SETD1A: variants seen among roughly 807,000 people sequenced by gnomAD.
The protein encoded by SETD1A is histone-lysine N-methyltransferase SETD1A.
In SETD1A, 29 loss-of-function variants were observed where a neutral mutation model predicts 149.9. The observed-to-expected ratio is 0.19, with a 90% CI of 0.14 to 0.26. The LOEUF (loss-of-function observed/expected upper bound fraction) is 0.26, where lower values mean the gene tolerates loss of function less well. Among genes scored for constraint, SETD1A ranks in the 10% least tolerant of loss-of-function variants. SETD1A has a pLI of 1.00. For missense variants in SETD1A, 2,109 were observed against 2,353.1 expected (o/e 0.90, Z 2.15); for synonymous variants, 1,141 against 968.5 (o/e 1.18, Z -3.31).
At chr16:30,969,165 CT>C (rs2056192369) in intron 10 of SETD1A, 139 bp from the exon 11 acceptor site, 1 of 856,698 alleles carries the variant, frequency 1.2e-6, no homozygotes, top group African/African-American at 1.7e-5. Context: ...GTTTGAGTTC[CT>C]CTGGTGAGCT....
intron 13 of SETD1A, among the ~76,000 whole-genome samples, chr16:30,974,313 G>T (rs764393239): frequency 3.3e-5 from 5 of 152,160 alleles, no homozygotes; most frequent in Non-Finnish European, 5.9e-5. Context: ...GGTCTGGAAA[G>T]AACGGTAGGC....
At chr16:30,971,895 A>G (rs886649006) in intron 13 of SETD1A, among the ~76,000 whole-genome samples, 176 bp downstream of exon 13, 1 of 152,232 alleles carries the variant, frequency 6.6e-6, no homozygotes. Flanking sequence ...ACACACTTCA[A>G]ACTGTACCGT....
chr16:30,972,095 TTAACA>T (rs2056232769), intron 13 of SETD1A, among the ~76,000 whole-genome samples: 1 of 152,234 alleles, frequency 6.6e-6, no homozygotes, highest in Non-Finnish European at 1.5e-5. Context: ...AAAACAAGTA[TTAACA>T]TAACACAGAA....
chr16:30,964,161 C>T lies in SETD1A; in HGVS notation c.707C>T (p.Thr236Ile), dbSNP rs758367285. Residue 236 changes from threonine (T) to isoleucine (I), a missense_variant, in exon 6 of 19, where the codon ACT becomes ATT. By Grantham distance (89) the Thr-to-Ile change is moderately conservative. Transcript: ENST00000262519. ...CCAGCAGGCACCACTGCGGTGGGCA[C>T]TCCTGGCAACGGCACCCCCTGCTCC... is the stretch of plus-strand genomic sequence containing the variant. ...AYPAGTTAVG[T>I]PGNGTPCSQD... The T allele has an allele frequency of 7.4e-6, 12 of 1,614,142 alleles. No homozygotes were observed. Among genetic ancestry groups the T allele is most frequent in the South Asian group, 5.5e-5 (5 of 91,076 alleles).
intron 2 of SETD1A, 44 bp from the exon 3 acceptor site, chr16:30,959,047 G>T (rs770570360): frequency 3.3e-6 from 5 of 1,515,652 alleles, no homozygotes; most frequent in Non-Finnish European, 4.6e-6. Context: ...TCCCTAGCCT[G>T]GATTCACCCT....
At chr16:30,982,178 G>A (rs985803607) in intron 17 of SETD1A, among the ~76,000 whole-genome samples, 6 of 152,166 alleles carry the variant, frequency 3.9e-5, no homozygotes, top group African/African-American at 1.4e-4. Context: ...CGTCTTGTGA[G>A]AGTGTGGAGG....
chr16:30,964,407 A>G, intron 6 of SETD1A, 84 bp downstream of exon 6: 2 of 1,361,522 alleles, frequency 1.5e-6, no homozygotes, highest in Non-Finnish European at 2.0e-6. Flanking sequence ...TCTGTCTCCA[A>G]GAGGGAGTTG....
intron 12 of SETD1A, 67 bp from the exon 13 acceptor site, chr16:30,971,311 T>A: frequency 6.8e-7 from 1 of 1,480,370 alleles, no homozygotes; most frequent in South Asian, 1.3e-5. Flanking sequence ...AGGGAGTGAG[T>A]GAGGAGCCCA....
At position 30,971,394 on chromosome 16, in the gene SETD1A, C is replaced by T. The variant is rs779225096; in HGVS notation, c.3033C>T (p.Ser1011=). 6.9e-6 allele frequency: 11 copies of T among 1,583,916 alleles called. No homozygotes were observed. Among genetic ancestry groups the T allele is most frequent in the Admixed American group, 3.4e-5 (2 of 58,386 alleles). Residue 1011 remains serine (S), a synonymous_variant, in exon 13 of 19, where the codon AGC becomes AGT. Transcript: ENST00000262519. ...GATTTCCAGGCGAGGACGAGGAAAG[C>T]GATTCGTCTTCCAAATGTTCTCTGT... ...TEVSDGEDEE[S]DSSSKCSLYA...
In SETD1A at chr16:30,965,155, A is replaced by G. The variant is rs1347456235; in HGVS notation, c.1413A>G (p.Pro471=). ...CCTCCCCTGCCCGCTCTGGCTCCCC[A>G]GCCCCGGAGACCACCAATGAGAGTG... The part of the protein sequence containing the change: ...RPASPARSGS[P]APETTNESVP... Residue 471 remains proline, a synonymous_variant, in exon 7 of 19, where the codon CCA becomes CCG. Coordinates refer to ENST00000262519, the MANE Select transcript of SETD1A (RefSeq NM_014712.3). 1 of 1,613,240 alleles carries G rather than the reference A, an allele frequency of 6.2e-7. No homozygotes were observed. Among genetic ancestry groups the G allele is most frequent in the African/African-American group, 1.3e-5 (1 of 74,904 alleles).
chr16:30,968,988 G>A (rs889917583), intron 10 of SETD1A, among the ~76,000 whole-genome samples: 1 of 151,714 alleles, frequency 6.6e-6, no homozygotes, highest in African/African-American at 2.4e-5. Context: ...CCCCTGTATA[G>A]TCCCAGTTAC....
At chr16:30,982,975 A>G (rs550386332) in intron 17 of SETD1A, among the ~76,000 whole-genome samples, 8 of 152,290 alleles carry the variant, frequency 5.3e-5, no homozygotes, top group South Asian at 2.1e-4. Flanking sequence ...TGGGGTTGCA[A>G]TGCCCCAGGG....
Position 30,965,606 on chromosome 16 carries a change from T to A in SETD1A, c.1725T>A (p.Ser575=). 1 of 1,610,360 alleles carries A rather than the reference T, an allele frequency of 6.2e-7. No individual in the cohort carries two copies. The highest frequency in any genetic ancestry group is 1.1e-5 in the South Asian group (1 of 90,850). Residue 575 remains serine, a synonymous_variant, in exon 8 of 19, where the codon TCT becomes TCA. Coordinates refer to ENST00000262519, the MANE Select transcript of SETD1A (RefSeq NM_014712.3). ...ACCCTCTTCTGCCCCCGCAGGCTTC[T>A]CCATGCTCTTCTGGAGACGACATGG... ...SPKANGQNQA[S]PCSSGDDMEI...
At chr16:30,966,468 A>G in intron 8 of SETD1A, 82 bp downstream of exon 8, 2 of 1,485,396 alleles carry the variant, frequency 1.3e-6, no homozygotes, top group Non-Finnish European at 1.8e-6. Flanking sequence ...TGCACAGCTC[A>G]GAGGAGACAG....
chr16:30,967,691 A>G, intron 10 of SETD1A, 103 bp downstream of exon 10: 3 of 887,912 alleles, frequency 3.4e-6, no homozygotes, highest in Non-Finnish European at 5.5e-6. Context: ...GGGCACAGCC[A>G]GGTGGAGGTG....
rs1567353733 is a variant in SETD1A, at chr16:30,966,011, C to T, written c.2130C>T (p.Ala710=). The T allele has an allele frequency of 2.5e-6, 4 of 1,569,698 alleles. No homozygotes were observed. The Admixed American group carries it at 5.5e-5, about 22-fold the overall frequency. Residue 710 remains alanine, a synonymous_variant, in exon 8 of 19, where the codon GCC becomes GCT. Coordinates refer to ENST00000262519, the MANE Select transcript of SETD1A (RefSeq NM_014712.3). ...IAASAGPPGG[A]FGEAFLPFPP... is the part of the protein sequence containing the mutation. Reference sequence around the variant, plus strand: ...CCTCAGCTGGCCCCCCCGGTGGGGCCTTTGGGGAGGCCTTCCTCCCGTTTC... The same window carrying T: ...CCTCAGCTGGCCCCCCCGGTGGGGCTTTTGGGGAGGCCTTCCTCCCGTTTC...
intron 8 of SETD1A, among the ~76,000 whole-genome samples, 171 bp downstream of exon 8, chr16:30,966,557 G>T (rs1350418519): frequency 6.6e-6 from 1 of 152,230 alleles, no homozygotes; most frequent in Non-Finnish European, 1.5e-5. Flanking sequence ...GGACAGAGAA[G>T]CAGGCACAGA....
rs1433534456 is a variant in SETD1A, at chr16:30,980,509, G to A, written c.4433G>A (p.Arg1478His). The change falls in exon 15 of 19, where the codon CGC becomes CAC. Residue 1478 changes from arginine (R) to histidine (H), a missense_variant. By Grantham distance (29) the Arg-to-His change is conservative. Coordinates refer to ENST00000262519, the MANE Select transcript of SETD1A (RefSeq NM_014712.3). This position sits in a 1 kb window ranked among gnomAD's most constrained non-coding sequence, Gnocchi z 7.7. ...CTCACCAACCTGACCACCCCAAAAC[G>A]CAAGCGGCGGCCCCAGGATGGGCCC... is the stretch of plus-strand genomic sequence containing the variant. The part of the protein sequence containing the change: ...HTITNLTTPK[R>H]KRRPQDGPRE... 6.2e-6 allele frequency: 10 copies of A among 1,613,830 alleles called. No homozygotes were observed. Among genetic ancestry groups the A allele is most frequent in the Admixed American group, 5.0e-5 (3 of 59,988 alleles).
chr16:30,959,788 C>T (rs2056024031), intron 3 of SETD1A, among the ~76,000 whole-genome samples: 1 of 149,760 alleles, frequency 6.7e-6, no homozygotes, highest in Admixed American at 6.7e-5. Flanking sequence ...TTCACTTGGA[C>T]AATCTCTTTC....
Sources: allele counts gnomAD v4.1 joint callset (sites outside exome capture counted in the v4.1 genomes callset), GRCh38; gene constraint gnomAD v4.1.1; non-coding constraint Gnocchi (gnomAD v3.1); transcripts MANE v1.5; gene names NCBI Gene and HGNC (gene_info 2026-07-23, HGNC 2026-07-21).